The following TSFM variants were observed in gnomAD, a reference collection of about 807,000 sequenced individuals.
The protein encoded by TSFM is elongation factor Ts, mitochondrial.
Under a neutral mutation model 33.4 loss-of-function variants are expected in TSFM, and 29 were observed. The observed-to-expected ratio is 0.87, with a 90% CI of 0.65 to 1.18. The LOEUF (loss-of-function observed/expected upper bound fraction) is 1.18, where lower values mean the gene tolerates loss of function less well. TSFM is among the 50% of genes most tolerant of loss of function. The probability of loss-of-function intolerance (pLI) is 0.00; values close to 1 mark genes in which losing one functional copy is unlikely to be tolerated. For missense variants in TSFM, 394 were observed against 395.6 expected (o/e 1.00, Z 0.04); for synonymous variants, 178 against 163.5 (o/e 1.09, Z -0.68).
intron 4 of TSFM, among the ~76,000 whole-genome samples, chr12:57,790,798 T>TG (rs1453455541): frequency 2.1e-5 from 3 of 145,322 alleles, no homozygotes; most frequent in African/African-American, 7.7e-5. Flanking sequence ...TAAATGTGTG[T>TG]TTTTTTTTTT....
intron 4 of TSFM, among the ~76,000 whole-genome samples, chr12:57,787,380 T>C (rs913856866): frequency 6.6e-6 from 1 of 152,204 alleles, no homozygotes; most frequent in African/African-American, 2.4e-5. Flanking sequence ...ACATTTTAAT[T>C]TATCTGTGTG....
Position 57,783,184 on chromosome 12 carries a change from C to T in TSFM, c.132C>T (p.Ala44=), listed in dbSNP as rs778013736. 11 of 1,613,596 alleles carry T rather than the reference C, an allele frequency of 6.8e-6. No individual in the cohort carries two copies. The highest frequency in any genetic ancestry group is 9.3e-6 in the Non-Finnish European group (11 of 1,179,910). The change falls in exon 2 of 6, where the codon GCC becomes GCT. Residue 44 remains alanine (A), a synonymous_variant. Coordinates refer to ENST00000652027, the MANE Select transcript of TSFM (RefSeq NM_005726.6). ...CTGGGCCCCGTCTGTCTGCCTCGGC[C>T]TCCAGCAAGGAGCTCCTCATGAAGC... The part of the protein sequence containing the change: ...FYAGPRLSAS[A]SSKELLMKLR...
Position 57,786,090 on chromosome 12 carries a change from G to A in TSFM, c.232-73G>A, listed in dbSNP as rs548493586. 838 of 1,447,450 alleles carry A rather than the reference G, an allele frequency of 5.8e-4. 3 individuals are homozygous for A. Among genetic ancestry groups the A allele is most frequent in the Non-Finnish European group, 7.3e-4 (795 of 1,091,518 alleles). The allele number at this position is 1,447,450 out of a possible 1,614,324, so 89.7% of individuals were successfully genotyped here. A position where few individuals can be genotyped will look rare whatever the true frequency, so the allele number is the denominator to read the frequency against. Reference sequence around the variant, plus strand: ...GAATTTAGAGAATCAGGAAACCTGAGTATATCTTAGAACTACATTTAGTGC... The same window carrying A: ...GAATTTAGAGAATCAGGAAACCTGAATATATCTTAGAACTACATTTAGTGC... On this transcript the variant is annotated intron_variant, in intron 2 of 5. Coordinates refer to ENST00000652027, the MANE Select transcript of TSFM (RefSeq NM_005726.6).
At chr12:57,798,103 G>A, downstream of TSFM, 2 of 604,560 alleles carry the variant, frequency 3.3e-6, no homozygotes, top group Non-Finnish European at 5.3e-6. Context: ...CCTTGAAGAG[G>A]GAAGTAGAAT....
chr12:57,796,323 T>C lies in TSFM; in HGVS notation c.718T>C (p.Cys240Arg), dbSNP rs2140428986. ...VLGKYGALVI[C>R]ETSEQKTNLE... Reference sequence around the variant, plus strand: ...GGGGAAGTATGGGGCCCTGGTCATCTGTGAGACGTCTGAACAGAAAACAAA... The same window carrying C: ...GGGGAAGTATGGGGCCCTGGTCATCCGTGAGACGTCTGAACAGAAAACAAA... The change falls in exon 6 of 6, where the codon TGT becomes CGT. Residue 240 changes from cysteine (C) to arginine (R), a missense_variant. Cys to Arg is a radical substitution (Grantham distance 180). Around this residue, in one of 3 missense-constraint regions of TSFM, gnomAD observed 186 missense variants for 198.8 expected, o/e 0.94. Coordinates refer to ENST00000652027, the MANE Select transcript of TSFM (RefSeq NM_005726.6). The C allele has an allele frequency of 2.5e-6, 4 of 1,610,726 alleles. No individual in the cohort carries two copies. Among genetic ancestry groups the C allele is most frequent in the Non-Finnish European group, 3.4e-6 (4 of 1,178,448 alleles).
chr12:57,800,348 A>G (rs1446798417), downstream of TSFM: 3 of 160,708 alleles, frequency 1.9e-5, no homozygotes, highest in Middle Eastern at 3.2e-3. Context: ...GTAGAGCACA[A>G]AGGACAGAAT....
intron 4 of TSFM, among the ~76,000 whole-genome samples, chr12:57,787,889 C>T (rs192868947): frequency 1.5e-4 from 23 of 151,610 alleles, no homozygotes; most frequent in South Asian, 8.4e-4. Flanking sequence ...GTACTCCCCC[C>T]GGGCAATAAG....
chr12:57,784,089 A>G (rs1388994077), intron 2 of TSFM: 2 of 702,646 alleles, frequency 2.8e-6, no homozygotes, highest in East Asian at 2.7e-5. Flanking sequence ...CCTGGGCTAT[A>G]TGGAATTGCC....
At chr12:57,793,805 AT>A in intron 5 of TSFM, among the ~76,000 whole-genome samples, 1 of 152,342 alleles carries the variant, frequency 6.6e-6, no homozygotes, top group Admixed American at 6.5e-5. Flanking sequence ...AAAATAGTAC[AT>A]TAAAGATTAT....
downstream of TSFM, chr12:57,800,001 T>C: frequency 6.5e-7 from 1 of 1,541,640 alleles, no homozygotes; most frequent in Non-Finnish European, 8.8e-7. Flanking sequence ...GTATAATATT[T>C]AACATTTTGA....
chr12:57,790,664 AT>A (rs540242909), intron 4 of TSFM, among the ~76,000 whole-genome samples: 24 of 149,194 alleles, frequency 1.6e-4, no homozygotes, highest in Admixed American at 4.0e-4. Flanking sequence ...AGTTATTTGG[AT>A]TTTTTTTTTC....
chr12:57,799,811 T>C (rs749880933), downstream of TSFM: 3 of 1,614,074 alleles, frequency 1.9e-6, no homozygotes, highest in Middle Eastern at 1.6e-4. Flanking sequence ...TTTGGCAGGG[T>C]TTACATCCTC....
At chr12:57,789,853 A>G (rs117839344) in intron 4 of TSFM, among the ~76,000 whole-genome samples, 5,113 of 152,214 alleles carry the variant, frequency 0.034, 115 homozygotes, top group Non-Finnish European at 0.055. Context: ...GCTGACTGTA[A>G]TGTCCTTTGA....
chr12:57,802,269 G>C, downstream of TSFM: 1 of 1,614,088 alleles, frequency 6.2e-7, no homozygotes, highest in South Asian at 1.1e-5. Context: ...GCTGGGGTGA[G>C]TGTGCAGGTA....
chr12:57,793,056 A>G lies in TSFM; in HGVS notation c.554A>G (p.Gln185Arg), dbSNP rs763668519. The G allele has an allele frequency of 1.2e-6, 2 of 1,613,470 alleles. No individual in the cohort carries two copies. Among genetic ancestry groups the G allele is most frequent in the South Asian group, 1.1e-5 (1 of 91,030 alleles). The change falls in exon 5 of 6, where the codon CAG becomes CGG. Residue 185 changes from glutamine (Q) to arginine (R), a missense_variant. Gln to Arg is a conservative substitution (Grantham distance 43). Around this residue, in one of 3 missense-constraint regions of TSFM, gnomAD observed 186 missense variants for 198.8 expected, o/e 0.94. Transcript: ENST00000652027. ...GACAGAGAAGGCTCACTCAAGGATC[A>G]GTTGGCTTTAGCAATTGGTGAGTAT... is the stretch of plus-strand genomic sequence containing the variant. ...GPDREGSLKDQLALAIGKLGE... is the reference protein window; with the variant it reads ...GPDREGSLKDRLALAIGKLGE...
chr12:57,796,415 C>A lies in TSFM; in HGVS notation c.810C>A (p.Ser270=), dbSNP rs747568228. The stretch of plus-strand genomic sequence containing the variant: ...GCATGGCCCCCCTCTCTGTTGGCTC[C>A]CTGGACGATGAGCCTGGGGGAGAGG... ...VVGMAPLSVG[S]LDDEPGGEAE... is the part of the protein sequence containing the mutation. The change falls in exon 6 of 6, where the codon TCC becomes TCA. Residue 270 remains serine (S), a synonymous_variant. Coordinates refer to ENST00000652027, the MANE Select transcript of TSFM (RefSeq NM_005726.6). 6.2e-7 allele frequency: 1 copy of A among 1,602,488 alleles called. No homozygotes were observed. The highest frequency in any genetic ancestry group is 1.1e-5 in the South Asian group (1 of 89,308).
intron 4 of TSFM, among the ~76,000 whole-genome samples, chr12:57,787,480 C>T (rs951378487): frequency 2.0e-5 from 3 of 152,126 alleles, no homozygotes; most frequent in Non-Finnish European, 4.4e-5. Flanking sequence ...GAATTGGGCC[C>T]ACTACTTAGT....
At chr12:57,788,123 G>A (rs983049851) in intron 4 of TSFM, among the ~76,000 whole-genome samples, 2 of 152,066 alleles carry the variant, frequency 1.3e-5, no homozygotes, top group Non-Finnish European at 2.9e-5. Flanking sequence ...CTCTTGAGAT[G>A]TCTTGGTAAA....
intron 4 of TSFM, among the ~76,000 whole-genome samples, chr12:57,788,949 A>G (rs1200187830): frequency 1.3e-5 from 2 of 148,206 alleles, no homozygotes; most frequent in Non-Finnish European, 3.0e-5. Context: ...CTTTTTATAT[A>G]CATGTTATCA....
Sources: allele counts gnomAD v4.1 joint callset (sites outside exome capture counted in the v4.1 genomes callset), GRCh38; gene constraint gnomAD v4.1.1; regional missense constraint gnomAD v4.1.1; transcripts MANE v1.5; gene names NCBI Gene and HGNC (gene_info 2026-07-23, HGNC 2026-07-21).